RAB27B: variants seen among roughly 807,000 people sequenced by gnomAD.
RAB27B encodes the protein RAB27B, member RAS oncogene family, also known as ras-related protein Rab-27B.
Under a neutral mutation model 24.6 loss-of-function variants are expected in RAB27B, and 15 were observed. The observed-to-expected ratio is 0.61, with a 90% CI of 0.41 to 0.94. The LOEUF is 0.94. Ranked by LOEUF, RAB27B falls within the 40% of genes least tolerant of loss-of-function variation. The pLI, the probability that RAB27B is intolerant of heterozygous loss-of-function variation, is 0.00. For synonymous variants in RAB27B, 105 were observed against 92.5 expected (o/e 1.14, Z -0.78); for missense variants, 261 against 266.8 (o/e 0.98, Z 0.15).
At chr18:54,776,942 G>A (rs1434862856) in intron 2 of RAB27B, among the ~76,000 whole-genome samples, 1 of 152,126 alleles carries the variant, frequency 6.6e-6, no homozygotes, top group Non-Finnish European at 1.5e-5. Flanking sequence ...CTACTCGGGA[G>A]GTTGAGGCAG....
At chr18:54,883,130 G>A (rs1349215651) in intron 3 of RAB27B, among the ~76,000 whole-genome samples, 2 of 152,148 alleles carry the variant, frequency 1.3e-5, no homozygotes, top group Non-Finnish European at 2.9e-5. Context: ...AAATTAGGAA[G>A]AGTGGCCAGT....
At chr18:54,875,524 G>A (rs1912657639) in intron 1 of RAB27B, among the ~76,000 whole-genome samples, 1 of 132,814 alleles carries the variant, frequency 7.5e-6, no homozygotes, top group Admixed American at 8.3e-5. Flanking sequence ...CCTAAGAAAT[G>A]ATTATGCTTT....
chr18:54,867,738 C>A (rs975994321), intron 1 of RAB27B, among the ~76,000 whole-genome samples: 1 of 152,124 alleles, frequency 6.6e-6, no homozygotes, highest in Non-Finnish European at 1.5e-5. Context: ...AGCCACCATG[C>A]CCGGCCACCT....
At chr18:54,782,842 A>C (rs1908957580) in intron 2 of RAB27B, among the ~76,000 whole-genome samples, 1 of 152,238 alleles carries the variant, frequency 6.6e-6, no homozygotes, top group Middle Eastern at 3.2e-3. Flanking sequence ...GTTCCATTGA[A>C]GATGTAAACA....
chr18:54,748,057 A>T (rs965521384), intron 2 of RAB27B, among the ~76,000 whole-genome samples: 8 of 152,256 alleles, frequency 5.3e-5, no homozygotes, highest in African/African-American at 1.9e-4. Context: ...CAATGAGATG[A>T]GATGGTGCCA....
chr18:54,789,775 A>G (rs1909193253), intron 2 of RAB27B, among the ~76,000 whole-genome samples: 1 of 152,138 alleles, frequency 6.6e-6, no homozygotes, highest in South Asian at 2.1e-4. Flanking sequence ...TACCTTCTTC[A>G]TCCTTCCTAT....
intron 2 of RAB27B, among the ~76,000 whole-genome samples, chr18:54,752,120 T>C (rs1907852864): frequency 6.6e-6 from 1 of 152,224 alleles, no homozygotes; most frequent in Non-Finnish European, 1.5e-5. Context: ...CTGTACTTGC[T>C]TTGCATGTAA....
At chr18:54,805,119 G>T (rs1483324957) in intron 2 of RAB27B, among the ~76,000 whole-genome samples, 1 of 151,766 alleles carries the variant, frequency 6.6e-6, no homozygotes, top group Admixed American at 6.6e-5. Flanking sequence ...CCTCCCTAGA[G>T]CCTCAGCGAG....
chr18:54,790,686 A>G (rs1187916571), intron 2 of RAB27B, among the ~76,000 whole-genome samples: 2 of 152,174 alleles, frequency 1.3e-5, no homozygotes, highest in Non-Finnish European at 2.9e-5. Flanking sequence ...AAAATTTATT[A>G]TTATAGAATA....
At chr18:54,846,920 G>T (rs1031630334) in intron 1 of RAB27B, among the ~76,000 whole-genome samples, 2 of 151,790 alleles carry the variant, frequency 1.3e-5, no homozygotes, top group South Asian at 2.1e-4. Flanking sequence ...GTGTGATCTC[G>T]GCTCACTGCA....
chr18:54,759,019 ATTTCCT>A (rs1908098657), intron 2 of RAB27B, among the ~76,000 whole-genome samples: 1 of 152,168 alleles, frequency 6.6e-6, no homozygotes. Context: ...GTAAAGAAAC[ATTTCCT>A]TTTAATTTTT....
At chr18:54,792,941 A>T (rs1909298650) in intron 2 of RAB27B, among the ~76,000 whole-genome samples, 1 of 152,238 alleles carries the variant, frequency 6.6e-6, no homozygotes. Context: ...TCAAGTCCAC[A>T]GTCCTCTGGC....
At chr18:54,877,533 A>C (rs1912750887) in intron 1 of RAB27B, 34 bp from the exon 2 acceptor site, 1 of 1,323,538 alleles carries the variant, frequency 7.6e-7, no homozygotes, top group Non-Finnish European at 9.9e-7. Flanking sequence ...ATCAACTTTA[A>C]TCAAAACATA....
At chr18:54,726,231 A>G (rs920536005) in intron 2 of RAB27B, among the ~76,000 whole-genome samples, 8 of 151,558 alleles carry the variant, frequency 5.3e-5, no homozygotes, top group African/African-American at 1.9e-4. Flanking sequence ...CTCAAGTATC[A>G]TAAATCTGAG....
intron 1 of RAB27B, among the ~76,000 whole-genome samples, chr18:54,833,740 G>C (rs941341601): frequency 2.6e-5 from 4 of 152,224 alleles, no homozygotes; most frequent in African/African-American, 4.8e-5. Context: ...CTGGTTGCTA[G>C]TCAGGTGAAG....
At chr18:54,733,649 A>ATC in intron 2 of RAB27B, among the ~76,000 whole-genome samples, 1 of 71,272 alleles carries the variant, frequency 1.4e-5, no homozygotes, top group Non-Finnish European at 3.2e-5. Context: ...TCTGTTCTAG[A>ATC]GCCCCCCCCC....
Position 54,888,135 on chromosome 18 carries a change from G to A in RAB27B, c.467+17G>A. The A allele has an allele frequency of 6.2e-7, 1 of 1,611,428 alleles. No individual in the cohort carries two copies. The highest frequency in any genetic ancestry group is 8.5e-7 in the Non-Finnish European group (1 of 1,178,478). The stretch of plus-strand genomic sequence containing the variant: ...CAAATATGGGTAAGTCAGTTACACT[G>A]AGATGGCATGTGACTTGCACACTGC... On this transcript the variant is annotated intron_variant, in intron 5 of 5. Transcript: ENST00000262094.
intron 1 of RAB27B, among the ~76,000 whole-genome samples, chr18:54,840,733 C>T (rs1220359974): frequency 6.6e-6 from 1 of 152,142 alleles, no homozygotes. Flanking sequence ...TTTCTAAGTC[C>T]ATCCTCAGGA....
intron 2 of RAB27B, among the ~76,000 whole-genome samples, chr18:54,768,833 C>G (rs1598890358): frequency 6.6e-6 from 1 of 152,296 alleles, no homozygotes; most frequent in South Asian, 2.1e-4. Context: ...AACTCACTCA[C>G]TATCATGAGG....
Sources: allele counts gnomAD v4.1 joint callset (sites outside exome capture counted in the v4.1 genomes callset), GRCh38; gene constraint gnomAD v4.1.1; transcripts MANE v1.5; gene names NCBI Gene and HGNC (gene_info 2026-07-23, HGNC 2026-07-21).